Variants in ZNF248 observed in about 807,000 individuals in gnomAD.
ZNF248 encodes the protein KRAB protein domain.
In ZNF248, 20 loss-of-function variants were observed where a neutral mutation model predicts 44.3. The observed-to-expected ratio is 0.45, with a 90% CI of 0.32 to 0.66. The LOEUF is 0.66. Ranked by LOEUF, ZNF248 falls within the 30% of genes least tolerant of loss-of-function variation. The pLI is 0.04. For synonymous variants in ZNF248, 224 were observed against 229.0 expected (o/e 0.98, Z 0.20); for missense variants, 654 against 677.0 (o/e 0.97, Z 0.38).
At chr10:37,817,567 A>C (rs1340023082) in intron 6 of ZNF248, among the ~76,000 whole-genome samples, 2 of 152,106 alleles carry the variant, frequency 1.3e-5, no homozygotes, top group Non-Finnish European at 2.9e-5. Flanking sequence ...AAGCAATTGC[A>C]AACAGGAGAC....
At chr10:37,785,687 A>T (rs571122764) in intron 6 of ZNF248, among the ~76,000 whole-genome samples, 2 of 152,200 alleles carry the variant, frequency 1.3e-5, no homozygotes, top group South Asian at 4.1e-4. Context: ...CATGGCCACT[A>T]AAATTCCACT....
At chr10:37,790,571 G>A (rs931291132) in intron 6 of ZNF248, among the ~76,000 whole-genome samples, 10 of 151,732 alleles carry the variant, frequency 6.6e-5, no homozygotes, top group East Asian at 2.0e-4. Flanking sequence ...TTAGCTGGGC[G>A]TAGTGGCGCA....
At chr10:37,804,480 C>T (rs1277568841) in intron 6 of ZNF248, among the ~76,000 whole-genome samples, 2 of 152,174 alleles carry the variant, frequency 1.3e-5, no homozygotes, top group Non-Finnish European at 2.9e-5. Flanking sequence ...GTCACCCAGA[C>T]TGGAGTGCAG....
intron 6 of ZNF248, among the ~76,000 whole-genome samples, chr10:37,789,841 A>G: frequency 6.6e-6 from 1 of 152,340 alleles, no homozygotes; most frequent in East Asian, 1.9e-4. Flanking sequence ...GCTCTGGACT[A>G]GAACAAGGGA....
downstream of ZNF248, among the ~76,000 whole-genome samples, chr10:37,775,729 C>T (rs562218459): frequency 3.9e-5 from 6 of 152,310 alleles, no homozygotes; most frequent in South Asian, 1.2e-3. Context: ...CTGCCATGTT[C>T]ACTCCTGTAG....
At chr10:37,799,318 G>GA (rs1484411824) in intron 6 of ZNF248, among the ~76,000 whole-genome samples, 6 of 152,054 alleles carry the variant, frequency 3.9e-5, no homozygotes, top group Non-Finnish European at 5.9e-5. Flanking sequence ...AGAGTTATTA[G>GA]AAAACCAGAA....
intron 5 of ZNF248, among the ~76,000 whole-genome samples, chr10:37,837,345 C>G (rs2057428725): frequency 6.6e-6 from 1 of 152,062 alleles, no homozygotes; most frequent in African/African-American, 2.4e-5. Context: ...GATCTCTTGA[C>G]CTCGTCATCC....
intron 3 of ZNF248, among the ~76,000 whole-genome samples, chr10:37,849,127 A>G (rs1589924969): frequency 1.3e-5 from 2 of 152,188 alleles, no homozygotes; most frequent in East Asian, 3.9e-4. Context: ...AGGGAGAAAG[A>G]AAGAGCAGTA....
intron 6 of ZNF248, among the ~76,000 whole-genome samples, chr10:37,815,171 A>G (rs2052236639): frequency 6.6e-6 from 1 of 151,708 alleles, no homozygotes; most frequent in South Asian, 2.1e-4. Flanking sequence ...GGTTCAAGCG[A>G]TTCTCCTGCC....
the ZNF248 span, among the ~76,000 whole-genome samples, chr10:37,761,872 A>G: frequency 6.6e-6 from 1 of 152,226 alleles, no homozygotes; most frequent in African/African-American, 2.4e-5. Flanking sequence ...TAAAGCTTCA[A>G]GGTTGGTTAA....
chr10:37,791,294 G>A (rs780592098), intron 6 of ZNF248, among the ~76,000 whole-genome samples: 1 of 151,656 alleles, frequency 6.6e-6, no homozygotes. Flanking sequence ...CACCTACCTC[G>A]GCCTCCCAAA....
At chr10:37,805,548 C>T (rs2050431813) in intron 6 of ZNF248, among the ~76,000 whole-genome samples, 1 of 152,134 alleles carries the variant, frequency 6.6e-6, no homozygotes, top group Non-Finnish European at 1.5e-5. Context: ...TCCACATTCA[C>T]TCTGTAAAAA....
intron 6 of ZNF248, chr10:37,819,512 C>G: frequency 8.7e-7 from 1 of 1,155,376 alleles, no homozygotes; most frequent in Non-Finnish European, 1.3e-6. Flanking sequence ...GAAACCTCCT[C>G]TATCCAAAAG....
chr10:37,808,313 T>G (rs1165517440), intron 6 of ZNF248, among the ~76,000 whole-genome samples: 1 of 151,102 alleles, frequency 6.6e-6, no homozygotes, highest in East Asian at 1.9e-4. Flanking sequence ...AATCTCGCTC[T>G]GTCACCCAGG....
chr10:37,761,040 T>C, the ZNF248 span, among the ~76,000 whole-genome samples: 1 of 152,194 alleles, frequency 6.6e-6, no homozygotes, highest in Non-Finnish European at 1.5e-5. Flanking sequence ...GCTTCCTGGA[T>C]TGTGCAACAT....
At chr10:37,814,734 G>A (rs1026723246) in intron 6 of ZNF248, among the ~76,000 whole-genome samples, 3 of 152,106 alleles carry the variant, frequency 2.0e-5, no homozygotes, top group East Asian at 1.9e-4. Context: ...TCCAAGATCT[G>A]ATAAGAAATC....
At chr10:37,813,447 T>TTCTG (rs2051886370) in intron 6 of ZNF248, among the ~76,000 whole-genome samples, 1 of 152,086 alleles carries the variant, frequency 6.6e-6, no homozygotes, top group Non-Finnish European at 1.5e-5. Flanking sequence ...TTCCATCTCC[T>TTCTG]CCACTTCTGC....
At chr10:37,812,700 A>G (rs1052112359) in intron 6 of ZNF248, among the ~76,000 whole-genome samples, 35 of 152,230 alleles carry the variant, frequency 2.3e-4, no homozygotes, top group African/African-American at 8.4e-4. Context: ...AAAGTGGTCT[A>G]TGTGCCCCCA....
rs1019917672 is a variant in ZNF248, at chr10:37,779,815, A to G, written c.331-3240T>C. Reference sequence around the variant, plus strand: ...TTAAGCTGATAAGCAACTTCAGCAAAGTCTCAGGATACAAAATCAATGTAC... The same window carrying G: ...TTAAGCTGATAAGCAACTTCAGCAAGGTCTCAGGATACAAAATCAATGTAC... On this transcript the variant is annotated intron_variant, in intron 6 of 6. Coordinates refer to the ZNF248 transcript ENST00000615949. Among the ~76,000 whole-genome samples the G allele has an allele frequency of 1.1e-3, 170 of 150,222 alleles. 2 individuals are homozygous for G. Among genetic ancestry groups the G allele is most frequent in the African/African-American group, 3.3e-3 (134 of 40,970 alleles).
Sources: gnomAD v4.1 joint callset for allele counts (sites outside exome capture counted in the v4.1 genomes callset) on GRCh38, gnomAD v4.1.1 for gene constraint, MANE v1.5 for transcripts, NCBI Gene and HGNC (gene_info 2026-07-23, HGNC 2026-07-21) for gene names.